HSPBP1: variants seen among roughly 807,000 people sequenced by gnomAD.
HSPBP1 encodes the protein HSPA (Hsp70) binding protein 1, also known as hsp70-binding protein 1.
A neutral mutation model predicts 41.7 loss-of-function variants in HSPBP1; 31 were observed. The ratio of observed to expected loss-of-function variants is 0.74; its 90% CI spans 0.56 to 1.00. The LOEUF (loss-of-function observed/expected upper bound fraction) is 1.00, where lower values mean the gene tolerates loss of function less well. HSPBP1 is among the 50% of genes least tolerant of loss of function. The pLI is 0.00. For missense variants in HSPBP1, 439 were observed against 487.9 expected (o/e 0.90, Z 0.94); for synonymous variants, 199 against 214.4 (o/e 0.93, Z 0.63).
intron 2 of HSPBP1, among the ~76,000 whole-genome samples, chr19:55,278,537 G>A (rs1350339952): frequency 1.3e-5 from 2 of 152,012 alleles, no homozygotes; most frequent in East Asian, 1.9e-4. Flanking sequence ...TCCCCACTTC[G>A]CAGATGAGAA....
At chr19:55,273,061 C>T (rs371516196) in intron 4 of HSPBP1, among the ~76,000 whole-genome samples, 2 of 152,280 alleles carry the variant, frequency 1.3e-5, no homozygotes, top group African/African-American at 4.8e-5. Flanking sequence ...GCAATCATGG[C>T]TCACTGCAGC....
chr19:55,265,964 C>T lies in HSPBP1; in HGVS notation c.815G>A (p.Gly272Glu). 1.2e-6 allele frequency: 2 copies of T among 1,604,260 alleles called. No homozygotes were observed. The highest frequency in any genetic ancestry group is 1.7e-6 in the Non-Finnish European group (2 of 1,176,752). The change falls in exon 6 of 8, where the codon GGG becomes GAG. Residue 272 changes from glycine to glutamate, a missense_variant. By Grantham distance (98) the Gly-to-Glu change is moderately conservative. Transcript: ENST00000433386. ...PEHKGTLCSMGMVQQLVALVR... is the reference protein window; with the variant it reads ...PEHKGTLCSMEMVQQLVALVR... ...CAGGGCCACCAGCTGCTGGACCATCCCCATGGAGCACAGGGTCCCTGGGGG... is the reference window on the plus strand; with the variant it reads ...CAGGGCCACCAGCTGCTGGACCATCTCCATGGAGCACAGGGTCCCTGGGGG...
chr19:55,274,377 C>A (rs774688866), intron 4 of HSPBP1, 21 bp downstream of exon 4: 24 of 1,482,860 alleles, frequency 1.6e-5, no homozygotes, highest in Non-Finnish European at 1.8e-6. Flanking sequence ...CCCCTGTCCC[C>A]AGCCCCACCC....
At chr19:55,278,729 T>C (rs1029353959) in intron 2 of HSPBP1, among the ~76,000 whole-genome samples, 1 of 151,994 alleles carries the variant, frequency 6.6e-6, no homozygotes, top group Admixed American at 6.5e-5. Flanking sequence ...GCCTGGCCAA[T>C]GTAGTGAAAC....
At chr19:55,262,733 C>A in intron 7 of HSPBP1, 51 bp from the exon 8 acceptor site, 5 of 1,539,966 alleles carry the variant, frequency 3.2e-6, no homozygotes, top group Non-Finnish European at 4.4e-6. Flanking sequence ...GAGGCCGGAC[C>A]CTGCCTCCAG....
In HSPBP1 at chr19:55,270,014, G is replaced by A. The variant is rs953079821; in HGVS notation, c.641-3728C>T. Among the ~76,000 whole-genome samples the A allele has an allele frequency of 1.3e-5, 2 of 152,204 alleles. No homozygotes were observed. The highest frequency in any genetic ancestry group is 2.9e-5 in the Non-Finnish European group (2 of 68,042). ...GGCAGTGGCACCACCGCCTCGGGCA[G>A]CAGGAGCTGAGGGGACGTACCCTGC... On this transcript the variant is annotated intron_variant, in intron 4 of 7. Transcript: ENST00000433386. This position sits in a 1 kb window ranked among gnomAD's most constrained non-coding sequence, Gnocchi z 5.4.
In HSPBP1 at chr19:55,268,065, G is replaced by A. The variant is rs1202568182; in HGVS notation, c.641-1779C>T. ...GCCAGTGCAACTAAGGAAAAGAGTTGTTCATTTCATTTAAGTTCCATTCAT... is the reference window on the plus strand; with the variant it reads ...GCCAGTGCAACTAAGGAAAAGAGTTATTCATTTCATTTAAGTTCCATTCAT... On this transcript the variant is annotated intron_variant, in intron 4 of 7. Transcript: ENST00000433386. The surrounding 1 kb of genome is among the most constrained non-coding windows in gnomAD (Gnocchi z 4.5). Among the ~76,000 whole-genome samples the A allele has an allele frequency of 6.6e-6, 1 of 152,218 alleles. No homozygotes were observed. Among genetic ancestry groups the A allele is most frequent in the Non-Finnish European group, 1.5e-5 (1 of 68,046 alleles).
Position 55,277,757 on chromosome 19 carries a change from C to T in HSPBP1, c.300G>A (p.Leu100=). The T allele has an allele frequency of 6.2e-7, 1 of 1,607,494 alleles. No individual in the cohort carries two copies. ...VEQMKSCLRV[L]SQPMPPTAGE... is the part of the protein sequence containing the mutation. ...CAGCAGTGGGGGGCATGGGCTGTGA[C>T]AGCACTCGGAGGCAGCTCTTCATCT... is the stretch of plus-strand genomic sequence containing the variant. Residue 100 remains leucine, a synonymous_variant, in exon 3 of 8, where the codon CTG becomes CTA. Coordinates refer to ENST00000433386, the MANE Select transcript of HSPBP1 (RefSeq NM_012267.5).
chr19:55,280,033 AC>A lies in HSPBP1; in HGVS notation c.-95+1del, dbSNP rs1476517712. The A allele has an allele frequency of 4.0e-6, 1 of 246,980 alleles. No individual in the cohort carries two copies. Among genetic ancestry groups the A allele is most frequent in the Admixed American group, 5.8e-5 (1 of 17,370 alleles). The allele number at this position is 246,980 out of a possible 1,614,324, so 15.3% of individuals were successfully genotyped here. On this transcript the variant is annotated splice_donor_variant, in intron 1 of 7. Coordinates refer to ENST00000433386, the MANE Select transcript of HSPBP1 (RefSeq NM_012267.5). LOFTEE classifies it low-confidence loss of function (5UTR_SPLICE). ...GGGGCGCCGGAATAAGGCGGATCTCACCTCCCCGGGTCCTCAAGCCGCCGCT... is the reference window on the plus strand; with the variant it reads ...GGGGCGCCGGAATAAGGCGGATCTCACTCCCCGGGTCCTCAAGCCGCCGCT...
chr19:55,275,620 C>T (rs1462709020), intron 3 of HSPBP1, among the ~76,000 whole-genome samples: 3 of 151,644 alleles, frequency 2.0e-5, no homozygotes, highest in African/African-American at 7.3e-5. Flanking sequence ...CATAGCAAAA[C>T]AGGGTTTTTG....
At chr19:55,264,332 T>C (rs2087718129) in intron 7 of HSPBP1, among the ~76,000 whole-genome samples, 2 of 152,218 alleles carry the variant, frequency 1.3e-5, no homozygotes, top group South Asian at 4.1e-4. Context: ...TCTAATAGAA[T>C]ATAACGTCCC....
chr19:55,265,965 C>T lies in HSPBP1; in HGVS notation c.814G>A (p.Gly272Arg). Residue 272 changes from glycine (G) to arginine (R), a missense_variant, in exon 6 of 8, where the codon GGG (glycine) becomes AGG (arginine). By Grantham distance (125) the Gly-to-Arg change is moderately radical. Transcript: ENST00000433386. ...PEHKGTLCSM[G>R]MVQQLVALVR... ...AGGGCCACCAGCTGCTGGACCATCC[C>T]CATGGAGCACAGGGTCCCTGGGGGG... 3 of 1,603,674 alleles carry T rather than the reference C, an allele frequency of 1.9e-6. No individual in the cohort carries two copies. The highest frequency in any genetic ancestry group is 2.5e-6 in the Non-Finnish European group (3 of 1,176,490).
intron 1 of HSPBP1, 56 bp from the exon 2 acceptor site, chr19:55,279,758 A>T: frequency 6.6e-7 from 1 of 1,522,252 alleles, no homozygotes; most frequent in East Asian, 2.5e-5. Context: ...ACCCCAAACC[A>T]CTCTGCCCCC....
Position 55,274,533 on chromosome 19 carries a change from T to C in HSPBP1, c.505A>G (p.Ile169Val), listed in dbSNP as rs772341333. The C allele has an allele frequency of 7.5e-6, 12 of 1,608,548 alleles. No individual in the cohort carries two copies. In the South Asian group the frequency reaches 7.7e-5, roughly 10 times the overall value. ...GCCACGTTCTGACTGCACGTGCCGA[T>C]GAGCTGTGCCGCCCGCCACCGCAGT... is the stretch of plus-strand genomic sequence containing the variant. Reference protein sequence around the residue: ...AGLRWRAAQLIGTCSQNVAAI... With the variant: ...AGLRWRAAQLVGTCSQNVAAI... The change falls in exon 4 of 8, where the codon ATC (isoleucine) becomes GTC (valine). Residue 169 changes from isoleucine to valine, a missense_variant. By Grantham distance (29) the Ile-to-Val change is conservative. Transcript: ENST00000433386.
chr19:55,265,545 G>A (rs549446479), intron 6 of HSPBP1, among the ~76,000 whole-genome samples, 156 bp from the exon 7 acceptor site: 4 of 152,062 alleles, frequency 2.6e-5, no homozygotes, highest in South Asian at 4.2e-4. Flanking sequence ...TGGACCTCAC[G>A]CTGCCCCTGG....
chr19:55,266,155 G>A lies in HSPBP1; in HGVS notation c.772C>T (p.Leu258=), dbSNP rs1240940572. 1 of 1,597,448 alleles carries A rather than the reference G, an allele frequency of 6.3e-7. No homozygotes were observed. Among genetic ancestry groups the A allele is most frequent in the Non-Finnish European group, 8.5e-7 (1 of 1,172,264 alleles). Residue 258 remains leucine (L), a synonymous_variant, in exon 5 of 8, where the codon CTG becomes TTG. Coordinates refer to ENST00000433386, the MANE Select transcript of HSPBP1 (RefSeq NM_012267.5). ...VKSAFLLQNL[L]VGHPEHKGTL... Reference sequence around the variant, plus strand: ...CCTTTGTGTTCAGGGTGGCCCACCAGCAGGTTCTGCAGCAGGAATGCTGAT... The same window carrying A: ...CCTTTGTGTTCAGGGTGGCCCACCAACAGGTTCTGCAGCAGGAATGCTGAT...
chr19:55,280,070 A>G lies in HSPBP1; in HGVS notation c.-130T>C. The G allele has an allele frequency of 4.2e-6, 1 of 239,580 alleles. No individual in the cohort carries two copies. Among genetic ancestry groups the G allele is most frequent in the Non-Finnish European group, 8.3e-6 (1 of 120,900 alleles). The allele number at this position is 239,580 out of a possible 1,614,324, so 14.8% of individuals were successfully genotyped here. A position where few individuals can be genotyped will look rare whatever the true frequency, so the allele number is the denominator to read the frequency against. Reference sequence around the variant, plus strand: ...CCTCAAGCCGCCGCTGCTCCTACAGACAAAGTCGTCCGCACCTGACTCTGC... The same window carrying G: ...CCTCAAGCCGCCGCTGCTCCTACAGGCAAAGTCGTCCGCACCTGACTCTGC... On this transcript the variant is annotated 5_prime_UTR_variant, in exon 1 of 8. Coordinates refer to ENST00000433386, the MANE Select transcript of HSPBP1 (RefSeq NM_012267.5).
At chr19:55,267,881 G>A (rs1260452938) in intron 4 of HSPBP1, among the ~76,000 whole-genome samples, 1 of 152,178 alleles carries the variant, frequency 6.6e-6, no homozygotes, top group East Asian at 1.9e-4. Flanking sequence ...TTTATCCAGA[G>A]GGCAATGAGA....
At chr19:55,263,568 G>T (rs1378148866) in intron 7 of HSPBP1, among the ~76,000 whole-genome samples, 1 of 152,118 alleles carries the variant, frequency 6.6e-6, no homozygotes, top group Non-Finnish European at 1.5e-5. Context: ...CGAGAGTGTA[G>T]AAACAACCTG....
Sources: allele counts gnomAD v4.1 joint callset (sites outside exome capture counted in the v4.1 genomes callset), GRCh38; gene constraint gnomAD v4.1.1; non-coding constraint Gnocchi (gnomAD v3.1); transcripts MANE v1.5; gene names NCBI Gene and HGNC (gene_info 2026-07-23, HGNC 2026-07-21).